The following CMTM8 variants were observed in gnomAD, a reference collection of about 807,000 sequenced individuals.
CMTM8 encodes the protein CKLF like MARVEL transmembrane domain containing 8, also known as CKLF-like MARVEL transmembrane domain-containing protein 8.
Under a neutral mutation model 18.6 loss-of-function variants are expected in CMTM8, and 12 were observed. That is an observed-to-expected ratio of 0.65 (90% CI 0.41 to 1.05). The LOEUF is 1.05. Ranked by LOEUF, CMTM8 falls within the 50% of genes least tolerant of loss-of-function variation. The pLI is 0.00. For synonymous variants in CMTM8, 87 were observed against 90.6 expected (o/e 0.96, Z 0.23); for missense variants, 217 against 227.2 (o/e 0.95, Z 0.29).
chr3:32,277,132 C>T (rs1702532976), intron 1 of CMTM8, among the ~76,000 whole-genome samples: 1 of 152,178 alleles, frequency 6.6e-6, no homozygotes, highest in African/African-American at 2.4e-5. Flanking sequence ...AGTAATCCTC[C>T]CACCTCAGCC....
rs573169212 is a variant in CMTM8 at position 32,340,026 on chromosome 3, G to C, written c.148-17347G>C. On this transcript the variant is annotated intron_variant, in intron 1 of 3. Coordinates refer to ENST00000307526, the MANE Select transcript of CMTM8 (RefSeq NM_178868.5). Reference sequence around the variant, plus strand: ...TAGAAGGAGGAGGCTGTGAATTTGTGGATTAAATTTGCCCTTCCAAGTCTT... The same window carrying C: ...TAGAAGGAGGAGGCTGTGAATTTGTCGATTAAATTTGCCCTTCCAAGTCTT... Among the ~76,000 whole-genome samples, 10 of 152,234 alleles carry C rather than the reference G, an allele frequency of 6.6e-5. No individual in the cohort carries two copies. In the South Asian group the frequency reaches 1.5e-3, roughly 22 times the overall value.
intron 1 of CMTM8, among the ~76,000 whole-genome samples, chr3:32,316,438 G>C (rs1695933000): frequency 6.6e-6 from 1 of 152,210 alleles, no homozygotes; most frequent in East Asian, 1.9e-4. Context: ...AACTTTCCCA[G>C]ATCCTTGGTG....
intron 1 of CMTM8, among the ~76,000 whole-genome samples, chr3:32,254,083 G>C (rs1444577379): frequency 6.6e-6 from 1 of 151,518 alleles, no homozygotes; most frequent in African/African-American, 2.4e-5. Flanking sequence ...TAGTAGAAAT[G>C]GTGTTTTACC....
chr3:32,328,370 C>CAAAA (rs796201249), intron 1 of CMTM8, among the ~76,000 whole-genome samples: 79 of 74,752 alleles, frequency 1.1e-3, no homozygotes, highest in African/African-American at 2.4e-3. Context: ...ACCCTGTCTC[C>CAAAA]AAAAAAAAAA....
chr3:32,249,673 C>G (rs1424513668), intron 1 of CMTM8, among the ~76,000 whole-genome samples: 1 of 152,264 alleles, frequency 6.6e-6, no homozygotes, highest in East Asian at 1.9e-4. Flanking sequence ...GTCATTTGTA[C>G]ATTTTCTTCA....
intron 1 of CMTM8, among the ~76,000 whole-genome samples, chr3:32,239,410 TTAGTGGC>T (rs1470117487): frequency 6.6e-6 from 1 of 152,008 alleles, no homozygotes; most frequent in Non-Finnish European, 1.5e-5. Flanking sequence ...GAAGCTTGGC[TTAGTGGC>T]TATTGAGTTT....
chr3:32,251,211 G>A (rs1702106385), intron 1 of CMTM8, among the ~76,000 whole-genome samples: 1 of 152,094 alleles, frequency 6.6e-6, no homozygotes, highest in Non-Finnish European at 1.5e-5. Context: ...AATATTCAGG[G>A]GAGCCTGAAC....
intron 1 of CMTM8, among the ~76,000 whole-genome samples, chr3:32,285,990 A>C (rs1344108893): frequency 6.6e-6 from 1 of 152,216 alleles, no homozygotes; most frequent in Admixed American, 6.5e-5. Flanking sequence ...CAGTTAGGTC[A>C]ATACCTCCCT....
At chr3:32,303,204 T>A (rs1172045246) in intron 1 of CMTM8, among the ~76,000 whole-genome samples, 1 of 152,246 alleles carries the variant, frequency 6.6e-6, no homozygotes, top group Non-Finnish European at 1.5e-5. Context: ...TACTGCTTGC[T>A]GGGAACTGTA....
intron 2 of CMTM8, among the ~76,000 whole-genome samples, chr3:32,360,627 C>A (rs938390654): frequency 7.2e-5 from 11 of 152,216 alleles, no homozygotes; most frequent in Non-Finnish European, 1.2e-4. Flanking sequence ...GCCCAACTGT[C>A]GTGTCCCAGC....
chr3:32,285,556 G>T (rs1184646202), intron 1 of CMTM8, among the ~76,000 whole-genome samples: 2 of 151,536 alleles, frequency 1.3e-5, no homozygotes, highest in Non-Finnish European at 2.9e-5. Context: ...AGTAGTACAC[G>T]TAAAAATGGG....
At chr3:32,296,925 A>T (rs895215611) in intron 1 of CMTM8, among the ~76,000 whole-genome samples, 3 of 152,106 alleles carry the variant, frequency 2.0e-5, no homozygotes, top group Admixed American at 6.5e-5. Flanking sequence ...CATGACCTCC[A>T]CATTTTCGTT....
intron 1 of CMTM8, among the ~76,000 whole-genome samples, chr3:32,328,126 G>A (rs1325591656): frequency 2.0e-5 from 3 of 152,062 alleles, no homozygotes; most frequent in Non-Finnish European, 2.9e-5. Flanking sequence ...TGTAATCCCA[G>A]CACTTTGGGA....
intron 1 of CMTM8, among the ~76,000 whole-genome samples, chr3:32,330,446 G>A (rs4955140): frequency 6.6e-6 from 1 of 151,996 alleles, no homozygotes; most frequent in Non-Finnish European, 1.5e-5. Context: ...AATAACCACT[G>A]CACTCCAGGC....
At chr3:32,252,444 T>C (rs1403044209) in intron 1 of CMTM8, among the ~76,000 whole-genome samples, 1 of 152,240 alleles carries the variant, frequency 6.6e-6, no homozygotes, top group Non-Finnish European at 1.5e-5. Flanking sequence ...GATTTCATTA[T>C]ATTTATAAAC....
intron 1 of CMTM8, among the ~76,000 whole-genome samples, chr3:32,241,972 C>T (rs894342631): frequency 3.3e-5 from 5 of 152,222 alleles, no homozygotes; most frequent in African/African-American, 9.6e-5. Context: ...CTGTCAGAAT[C>T]GTCTTCATGA....
At chr3:32,241,841 T>C (rs896952235) in intron 1 of CMTM8, among the ~76,000 whole-genome samples, 13 of 152,254 alleles carry the variant, frequency 8.5e-5, no homozygotes, top group African/African-American at 2.9e-4. Context: ...GCCCAATTTC[T>C]TGTTTGCCCT....
At chr3:32,241,110 C>T (rs554384004) in intron 1 of CMTM8, among the ~76,000 whole-genome samples, 48 of 152,228 alleles carry the variant, frequency 3.2e-4, no homozygotes, top group African/African-American at 1.1e-3. Context: ...TTTAAAGATT[C>T]GGTCCTACAG....
At chr3:32,273,129 A>ATGTGTGTGTG (rs60162265) in intron 1 of CMTM8, among the ~76,000 whole-genome samples, 3,950 of 142,984 alleles carry the variant, frequency 0.028, 149 homozygotes, top group African/African-American at 0.081. Context: ...ATTGGAACAA[A>ATGTGTGTGTG]TGTGTGTGTG....
Sources: allele counts gnomAD v4.1 joint callset (sites outside exome capture counted in the v4.1 genomes callset), GRCh38; gene constraint gnomAD v4.1.1; transcripts MANE v1.5; gene names NCBI Gene and HGNC (gene_info 2026-07-23, HGNC 2026-07-21).